STARD13: variants seen among roughly 807,000 people sequenced by gnomAD.
The protein encoded by STARD13 is stAR-related lipid transfer protein 13.
A neutral mutation model predicts 106.4 loss-of-function variants in STARD13; 62 were observed. The observed-to-expected ratio is 0.58, with a 90% CI of 0.48 to 0.72. The LOEUF (loss-of-function observed/expected upper bound fraction) is 0.72, where lower values mean the gene tolerates loss of function less well. Among genes scored for constraint, STARD13 ranks in the 30% least tolerant of loss-of-function variants. STARD13 has a pLI of 0.00. For missense variants in STARD13, 1,387 were observed against 1,424.0 expected (o/e 0.97, Z 0.42); for synonymous variants, 565 against 553.0 (o/e 1.02, Z -0.31).
chr13:33,262,662 A>ACACACACAACACAC (rs5802678), intron 1 of STARD13, among the ~76,000 whole-genome samples: 191 of 114,986 alleles, frequency 1.7e-3, no homozygotes, highest in African/African-American at 1.8e-3. Context: ...ACACACACAC[A>ACACACACAACACAC]ACACACACAC....
chr13:33,290,758 G>T (rs1465102933), intron 1 of STARD13, among the ~76,000 whole-genome samples: 1 of 152,182 alleles, frequency 6.6e-6, no homozygotes, highest in Non-Finnish European at 1.5e-5. Context: ...ACAGTAACCT[G>T]GTCTGTCCTG....
intron 1 of STARD13, among the ~76,000 whole-genome samples, chr13:33,308,108 C>T (rs1892980084): frequency 6.6e-6 from 1 of 152,192 alleles, no homozygotes. Context: ...CTTCAGGACA[C>T]CTGGCAAAAC....
Position 33,274,219 on chromosome 13 carries a change from A to T in STARD13, c.169+11251T>A, listed in dbSNP as rs115159070. Among the ~76,000 whole-genome samples the T allele has an allele frequency of 4.1e-3, 621 of 152,200 alleles. 7 individuals are homozygous for T. Among genetic ancestry groups the T allele is most frequent in the African/African-American group, 0.013 (556 of 41,510 alleles). On this transcript the variant is annotated intron_variant, in intron 1 of 13. Coordinates refer to ENST00000336934, the MANE Select transcript of STARD13 (RefSeq NM_178006.4). ...GCTCCCAATACCTTAGAGTGTGAGT[A>T]TATTTGAAGATAGGGCCCTTAAAGA...
chr13:33,265,111 T>A (rs189252854), intron 1 of STARD13, among the ~76,000 whole-genome samples: 1 of 152,310 alleles, frequency 6.6e-6, no homozygotes, highest in East Asian at 1.9e-4. Context: ...ACAAACTCTG[T>A]TTCCTGAAGC....
chr13:33,620,731 A>G, the STARD13 span, among the ~76,000 whole-genome samples: 1 of 151,056 alleles, frequency 6.6e-6, no homozygotes, highest in South Asian at 2.1e-4. Flanking sequence ...CTAGAAATAA[A>G]AAGAAACAAT....
intron 1 of STARD13, among the ~76,000 whole-genome samples, chr13:33,293,328 G>A (rs1430837949): frequency 2.0e-5 from 3 of 152,124 alleles, no homozygotes; most frequent in African/African-American, 4.8e-5. Context: ...CATCAGTAGC[G>A]ATTGGTTGAA....
intron 1 of STARD13, among the ~76,000 whole-genome samples, chr13:33,293,435 G>T (rs1892366869): frequency 6.6e-6 from 1 of 152,102 alleles, no homozygotes; most frequent in African/African-American, 2.4e-5. Flanking sequence ...ATTTTTTTAG[G>T]CAATCATTAT....
the STARD13 span, among the ~76,000 whole-genome samples, chr13:33,505,220 A>G: frequency 6.6e-6 from 1 of 152,210 alleles, no homozygotes; most frequent in Non-Finnish European, 1.5e-5. Context: ...CCATTCTTAG[A>G]AAAATGTCCC....
chr13:33,109,532 T>C (rs1799543158), intron 12 of STARD13, among the ~76,000 whole-genome samples: 1 of 152,230 alleles, frequency 6.6e-6, no homozygotes, highest in Admixed American at 6.5e-5. Flanking sequence ...GCCAGTCAGA[T>C]CCATTTGCAT....
chr13:33,339,445 C>T (rs1175386748), intron 1 of STARD13, among the ~76,000 whole-genome samples: 2 of 152,232 alleles, frequency 1.3e-5, no homozygotes, highest in Non-Finnish European at 2.9e-5. Context: ...ATATTTATGT[C>T]ACCATATGAC....
the STARD13 span, among the ~76,000 whole-genome samples, chr13:33,470,233 CT>C: frequency 6.6e-6 from 1 of 152,068 alleles, no homozygotes; most frequent in Non-Finnish European, 1.5e-5. Context: ...TGAACTCATC[CT>C]TTTTTATGGC....
At chr13:33,621,254 A>G in the STARD13 span, among the ~76,000 whole-genome samples, 2 of 152,182 alleles carry the variant, frequency 1.3e-5, no homozygotes, top group Non-Finnish European at 2.9e-5. Context: ...ATCAGCAGTA[A>G]CAGAGGAACT....
chr13:33,344,552 A>C (rs551922379), downstream of STARD13, among the ~76,000 whole-genome samples: 12 of 152,332 alleles, frequency 7.9e-5, no homozygotes, highest in African/African-American at 2.4e-4. Context: ...CTTTGCATTG[A>C]AGTCCCAATC....
the STARD13 span, among the ~76,000 whole-genome samples, chr13:33,366,672 C>T: frequency 6.6e-6 from 1 of 152,176 alleles, no homozygotes; most frequent in Non-Finnish European, 1.5e-5. The surrounding 1 kb of genome is among the most constrained non-coding windows in gnomAD (Gnocchi z 4.2). Flanking sequence ...TCTTTAAACA[C>T]CTGCAGCTCA....
rs528637033 is a variant in STARD13, at chr13:33,152,131, T to G, written c.324-9758A>C. 1.2e-4 allele frequency among the ~76,000 whole-genome samples: 18 copies of G among 152,264 alleles called. No homozygotes were observed. The South Asian group carries it at 3.1e-3, about 26-fold the overall frequency. The stretch of plus-strand genomic sequence containing the variant: ...GATATACACAGAAGATACATAATAA[T>G]TAAAGTCAATCATCCAGGGGAAATC... On this transcript the variant is annotated intron_variant, in intron 3 of 13. Coordinates refer to ENST00000336934, the MANE Select transcript of STARD13 (RefSeq NM_178006.4).
the STARD13 span, among the ~76,000 whole-genome samples, chr13:33,499,779 T>A: frequency 6.9e-6 from 1 of 145,690 alleles, no homozygotes; most frequent in Non-Finnish European, 1.5e-5. Context: ...TTTTTTTTTT[T>A]TTAGAGACAA....
chr13:33,182,725 C>A (rs566251014), intron 1 of STARD13, among the ~76,000 whole-genome samples: 1 of 152,256 alleles, frequency 6.6e-6, no homozygotes, highest in Non-Finnish European at 1.5e-5. Flanking sequence ...TTTAGACTCT[C>A]ATTTTGTCTA....
the STARD13 span, among the ~76,000 whole-genome samples, chr13:33,622,951 C>A: frequency 4.1e-5 from 6 of 146,334 alleles, no homozygotes; most frequent in Non-Finnish European, 7.5e-5. Context: ...ATGCAAAAAT[C>A]AGCTGGGTGT....
At chr13:33,415,264 T>C in the STARD13 span, among the ~76,000 whole-genome samples, 30 of 152,066 alleles carry the variant, frequency 2.0e-4, 2 homozygotes, top group East Asian at 5.8e-3. Flanking sequence ...GCTACTCAGG[T>C]GGCTGAGGCA....
Sources: gnomAD v4.1 joint callset for allele counts (sites outside exome capture counted in the v4.1 genomes callset) on GRCh38, gnomAD v4.1.1 for gene constraint, Gnocchi (gnomAD v3.1) non-coding constraint, MANE v1.5 for transcripts, NCBI Gene and HGNC (gene_info 2026-07-23, HGNC 2026-07-21) for gene names.